ADGRB3: variants seen among roughly 807,000 people sequenced by gnomAD.
The protein encoded by ADGRB3 is brain-specific angiogenesis inhibitor 3.
ADGRB3 carries 37 observed loss-of-function variants against 193.4 expected under a neutral mutation model. The ratio of observed to expected loss-of-function variants is 0.19; its 90% CI spans 0.15 to 0.25. The LOEUF (loss-of-function observed/expected upper bound fraction) is 0.25. ADGRB3 is among the 10% of genes least tolerant of loss of function. ADGRB3 has a pLI of 1.00. For synonymous variants in ADGRB3, 690 were observed against 644.2 expected (o/e 1.07, Z -1.08); for missense variants, 1,637 against 1,852.9 (o/e 0.88, Z 2.14).
At chr6:68,680,609 C>T (rs1240100144) in intron 3 of ADGRB3, among the ~76,000 whole-genome samples, 1 of 152,084 alleles carries the variant, frequency 6.6e-6, no homozygotes, top group Non-Finnish European at 1.5e-5. Flanking sequence ...TAGAACAACC[C>T]AACAGGATAG....
chr6:68,853,747 A>G (rs1267745285), intron 3 of ADGRB3, among the ~76,000 whole-genome samples: 1 of 152,130 alleles, frequency 6.6e-6, no homozygotes, highest in Non-Finnish European at 1.5e-5. Flanking sequence ...AGACTTGCAA[A>G]AAAAAAGTAA....
chr6:69,352,567 T>A (rs1199364081), intron 26 of ADGRB3, among the ~76,000 whole-genome samples: 2 of 152,160 alleles, frequency 1.3e-5, no homozygotes, highest in African/African-American at 4.8e-5. Context: ...TATGGCCACA[T>A]CAGTAGGATT....
At chr6:68,883,530 A>G (rs941336350) in intron 3 of ADGRB3, among the ~76,000 whole-genome samples, 2 of 152,182 alleles carry the variant, frequency 1.3e-5, no homozygotes, top group South Asian at 4.1e-4. Context: ...ACTCACCACA[A>G]AGGTCTGCAG....
chr6:69,140,435 A>T (rs560632481), intron 17 of ADGRB3, among the ~76,000 whole-genome samples: 11 of 152,320 alleles, frequency 7.2e-5, no homozygotes, highest in Admixed American at 2.6e-4. Flanking sequence ...CTAAAAATTA[A>T]AACAATTGAA....
Position 69,355,826 on chromosome 6 carries a change from C to T in ADGRB3, c.3561C>T (p.Asp1187=). The change falls in exon 28 of 32, where the codon GAC becomes GAT. Residue 1187 remains aspartate (D), a synonymous_variant. Coordinates refer to ENST00000370598, the MANE Select transcript of ADGRB3 (RefSeq NM_001704.3). ...FPNGHAQIMT[D]FEKDVDIACR... ...CTTATTATTTATTGTTACAGACAGA[C>T]TTTGAAAAGGATGTAGACATTGCCT... 1.9e-6 allele frequency: 3 copies of T among 1,607,786 alleles called. No homozygotes were observed. The highest frequency in any genetic ancestry group is 2.6e-6 in the Non-Finnish European group (3 of 1,174,974).
At chr6:68,928,255 G>A (rs1767238611) in intron 3 of ADGRB3, among the ~76,000 whole-genome samples, 1 of 152,158 alleles carries the variant, frequency 6.6e-6, no homozygotes, top group African/African-American at 2.4e-5. Flanking sequence ...GCTGGCCATG[G>A]TGGCTCCTAC....
chr6:69,293,830 G>C (rs533990153), intron 20 of ADGRB3, among the ~76,000 whole-genome samples: 3 of 152,160 alleles, frequency 2.0e-5, no homozygotes, highest in Middle Eastern at 3.4e-3. Flanking sequence ...GGAAGGGGGT[G>C]GGGGGATGGG....
At chr6:69,259,335 A>G (rs904276029) in intron 20 of ADGRB3, among the ~76,000 whole-genome samples, 2 of 152,140 alleles carry the variant, frequency 1.3e-5, no homozygotes, top group Admixed American at 1.3e-4. Context: ...CAGCCTTCCA[A>G]CTACATTTCT....
chr6:69,155,931 CTG>C (rs1774826374), intron 17 of ADGRB3, among the ~76,000 whole-genome samples: 1 of 152,022 alleles, frequency 6.6e-6, no homozygotes, highest in Non-Finnish European at 1.5e-5. Flanking sequence ...AGCAATATGA[CTG>C]TGTCTATATT....
chr6:68,700,232 G>C (rs973848437), intron 3 of ADGRB3, among the ~76,000 whole-genome samples: 2 of 152,102 alleles, frequency 1.3e-5, no homozygotes, highest in African/African-American at 4.8e-5. Context: ...CAGGGCAGAA[G>C]TTTCAAATCC....
intron 3 of ADGRB3, among the ~76,000 whole-genome samples, chr6:68,839,561 G>A (rs1050796709): frequency 1.3e-5 from 2 of 152,072 alleles, no homozygotes; most frequent in Non-Finnish European, 2.9e-5. Context: ...AACTCCTATT[G>A]GCCATGTGGA....
intron 20 of ADGRB3, among the ~76,000 whole-genome samples, chr6:69,275,070 C>T (rs1168703033): frequency 2.0e-5 from 3 of 152,054 alleles, no homozygotes; most frequent in Non-Finnish European, 4.4e-5. Flanking sequence ...TTAAAGGGAG[C>T]ATTTTGATAT....
intron 20 of ADGRB3, among the ~76,000 whole-genome samples, chr6:69,242,845 G>T (rs1018693660): frequency 2.0e-5 from 3 of 151,706 alleles, no homozygotes; most frequent in African/African-American, 7.3e-5. Flanking sequence ...TCTTTGTATT[G>T]CTCAAATGTT....
intron 11 of ADGRB3, among the ~76,000 whole-genome samples, chr6:68,997,373 T>C (rs1329865387): frequency 6.6e-6 from 1 of 151,310 alleles, no homozygotes; most frequent in Non-Finnish European, 1.5e-5. Flanking sequence ...CCAGGCGCAG[T>C]GGCTCATGTC....
intron 4 of ADGRB3, 48 bp downstream of exon 4, chr6:68,930,717 A>G (rs1487436052): frequency 7.6e-7 from 1 of 1,312,810 alleles, no homozygotes; most frequent in Admixed American, 1.9e-5. Context: ...AATTTAATGA[A>G]ACCACTGCAT....
At chr6:69,107,649 C>T (rs762444723) in intron 17 of ADGRB3, among the ~76,000 whole-genome samples, 9 of 152,084 alleles carry the variant, frequency 5.9e-5, no homozygotes, top group Non-Finnish European at 1.2e-4. Context: ...CCTAGGTGCC[C>T]ATCAGTGGTG....
At chr6:68,972,731 C>A (rs1434461043) in intron 8 of ADGRB3, among the ~76,000 whole-genome samples, 1 of 151,826 alleles carries the variant, frequency 6.6e-6, no homozygotes, top group Non-Finnish European at 1.5e-5. Flanking sequence ...TGAAATTATC[C>A]AAGAAAAACA....
intron 3 of ADGRB3, among the ~76,000 whole-genome samples, chr6:68,891,438 G>T (rs1766074333): frequency 6.6e-6 from 1 of 152,132 alleles, no homozygotes. Flanking sequence ...TGCTGGTCTG[G>T]AATGAATTTT....
At chr6:68,642,236 AAG>A (rs1315556696) in intron 3 of ADGRB3, among the ~76,000 whole-genome samples, 6 of 152,152 alleles carry the variant, frequency 3.9e-5, no homozygotes, top group Admixed American at 3.9e-4. Context: ...CACAAATTTG[AAG>A]AGTCTTCACA....
Sources: gnomAD v4.1 joint callset for allele counts (sites outside exome capture counted in the v4.1 genomes callset) on GRCh38, gnomAD v4.1.1 for gene constraint, MANE v1.5 for transcripts, NCBI Gene and HGNC (gene_info 2026-07-23, HGNC 2026-07-21) for gene names.